The following LEF1 variants were observed in gnomAD, a reference collection of about 807,000 sequenced individuals.
The protein encoded by LEF1 is lymphoid enhancer-binding factor 1.
LEF1 carries 14 observed loss-of-function variants against 51.2 expected under a neutral mutation model. That is an observed-to-expected ratio of 0.27 (90% CI 0.18 to 0.43). LEF1 has a LOEUF of 0.43. LEF1 is among the 20% of genes least tolerant of loss of function. The pLI, the probability that LEF1 is intolerant of heterozygous loss-of-function variation, is 1.00. For missense variants in LEF1, 386 were observed against 512.0 expected (o/e 0.75, Z 2.37); for synonymous variants, 185 against 183.2 (o/e 1.01, Z -0.08).
chr4:108,133,081 C>CA (rs1743005710), intron 3 of LEF1, among the ~76,000 whole-genome samples: 1 of 152,154 alleles, frequency 6.6e-6, no homozygotes, highest in African/African-American at 2.4e-5. Flanking sequence ...TCAAGCGCTT[C>CA]TCCTGCCTCA....
rs188102499 is a variant in LEF1, at chr4:108,144,230, A to C, written c.414+19338T>G. Among the ~76,000 whole-genome samples, 129 of 152,350 alleles carry C rather than the reference A, an allele frequency of 8.5e-4. 1 individual carries two copies. The highest frequency in any genetic ancestry group is 3.0e-3 in the African/African-American group (126 of 41,590). The stretch of plus-strand genomic sequence containing the variant: ...CCTTTGATAAACCATTCCAATGTTT[A>C]TTAATCTCTCCCTCTGAAGTAATTC... On this transcript the variant is annotated intron_variant, in intron 3 of 11. Transcript: ENST00000265165.
At chr4:108,119,117 G>A (rs1742014022) in intron 3 of LEF1, among the ~76,000 whole-genome samples, 1 of 146,990 alleles carries the variant, frequency 6.8e-6, no homozygotes, top group Admixed American at 6.9e-5. Flanking sequence ...CTTTCAAGCA[G>A]GTCAGCTATA....
At chr4:108,049,577 C>CT (rs1349662320) in intron 11 of LEF1, among the ~76,000 whole-genome samples, 4 of 152,326 alleles carry the variant, frequency 2.6e-5, no homozygotes, top group African/African-American at 9.6e-5. Context: ...GCTTCCGCTG[C>CT]TTTGAACTTG....
At chr4:108,139,119 T>C (rs1162037441) in intron 3 of LEF1, among the ~76,000 whole-genome samples, 1 of 152,214 alleles carries the variant, frequency 6.6e-6, no homozygotes, top group Non-Finnish European at 1.5e-5. Context: ...TCAGGGCCTA[T>C]AGAACATACT....
chr4:108,068,292 C>CAA (rs1334675901), intron 9 of LEF1, among the ~76,000 whole-genome samples: 1 of 151,628 alleles, frequency 6.6e-6, no homozygotes, highest in African/African-American at 2.4e-5. Flanking sequence ...CAAAACAAAA[C>CAA]AAAACAAAAA....
intron 3 of LEF1, among the ~76,000 whole-genome samples, chr4:108,092,010 T>C (rs920965998): frequency 1.3e-5 from 2 of 152,222 alleles, no homozygotes; most frequent in Admixed American, 6.5e-5. Flanking sequence ...GGATATATTC[T>C]TTCTTTCCAG....
chr4:108,162,343 T>C (rs1745114955), intron 3 of LEF1, among the ~76,000 whole-genome samples: 1 of 152,220 alleles, frequency 6.6e-6, no homozygotes, highest in Non-Finnish European at 1.5e-5. Context: ...CAATAACATC[T>C]AAATTGCAGT....
intron 3 of LEF1, among the ~76,000 whole-genome samples, chr4:108,109,556 A>G (rs6857102): frequency 0.013 from 1,946 of 152,338 alleles, 39 homozygotes; most frequent in African/African-American, 0.043. Context: ...CAGGACATGC[A>G]TTAATATTTG....
chr4:108,071,520 C>G (rs1198054992), intron 8 of LEF1: 1 of 152,176 alleles, frequency 6.6e-6, no homozygotes, highest in East Asian at 1.9e-4. Context: ...CTGCTAATAT[C>G]CTTCAAACTT....
chr4:108,126,111 A>G (rs1388671087), intron 3 of LEF1, among the ~76,000 whole-genome samples: 1 of 152,140 alleles, frequency 6.6e-6, no homozygotes, highest in Non-Finnish European at 1.5e-5. Flanking sequence ...ACTCTCTTCC[A>G]TTTTCCACTA....
chr4:108,148,486 C>G (rs553753742), intron 3 of LEF1, among the ~76,000 whole-genome samples: 53 of 152,264 alleles, frequency 3.5e-4, no homozygotes, highest in African/African-American at 1.2e-3. Flanking sequence ...GCAGGCTAGG[C>G]TCTGTTCACA....
chr4:108,065,442 C>T (rs1250505101), intron 9 of LEF1, among the ~76,000 whole-genome samples: 1 of 152,216 alleles, frequency 6.6e-6, no homozygotes, highest in East Asian at 1.9e-4. Flanking sequence ...CAGGATTGCT[C>T]CACTGGGCCA....
chr4:108,071,353 C>T (rs75434343), intron 8 of LEF1, among the ~76,000 whole-genome samples: 2,249 of 152,254 alleles, frequency 0.015, 22 homozygotes, highest in African/African-American at 0.026. Context: ...CTCATATAGA[C>T]GCTGTCTATA....
chr4:108,062,435 T>G (rs980648512), intron 11 of LEF1, among the ~76,000 whole-genome samples: 2 of 152,124 alleles, frequency 1.3e-5, no homozygotes, highest in Non-Finnish European at 2.9e-5. Context: ...CTAATAATTT[T>G]GTTTGGACTG....
chr4:108,117,542 G>A (rs911375803), intron 3 of LEF1, among the ~76,000 whole-genome samples: 1 of 152,218 alleles, frequency 6.6e-6, no homozygotes, highest in African/African-American at 2.4e-5. Context: ...CTCAGAAAAT[G>A]GCTCCTAGAA....
chr4:108,049,315 C>A (rs73838300), intron 11 of LEF1, among the ~76,000 whole-genome samples: 1,640 of 151,988 alleles, frequency 0.011, 27 homozygotes, highest in African/African-American at 0.038. Flanking sequence ...ATTTTTTTTT[C>A]CTTCCTAACA....
At chr4:108,136,590 CCTTTCAGGGGT>C (rs781464988) in intron 3 of LEF1, among the ~76,000 whole-genome samples, 1 of 151,672 alleles carries the variant, frequency 6.6e-6, no homozygotes, top group Non-Finnish European at 1.5e-5. Flanking sequence ...CAGAAGTTTG[CCTTTCAGGGGT>C]CTTATAACTG....
At chr4:108,067,361 G>T (rs1182876830) in intron 9 of LEF1, among the ~76,000 whole-genome samples, 1 of 152,132 alleles carries the variant, frequency 6.6e-6, no homozygotes, top group Admixed American at 6.6e-5. Context: ...CTTTTTAAAA[G>T]TTAAAACTCA....
rs1321525102 is a variant in LEF1, at chr4:108,081,582, C to A, written c.722+4G>T. On this transcript the variant is annotated splice_donor_region_variant and intron_variant, in intron 6 of 11. Coordinates refer to ENST00000265165, the MANE Select transcript of LEF1 (RefSeq NM_016269.5). ...CGAGCGCCCCAGTTTCCACCTCCAC[C>A]TACCTGGACATGGAAGTGTCGACTG... The A allele has an allele frequency of 6.2e-7, 1 of 1,612,674 alleles. No homozygotes were observed. The highest frequency in any genetic ancestry group is 8.5e-7 in the Non-Finnish European group (1 of 1,178,866).
Sources: allele counts gnomAD v4.1 joint callset (sites outside exome capture counted in the v4.1 genomes callset), GRCh38; gene constraint gnomAD v4.1.1; transcripts MANE v1.5; gene names NCBI Gene and HGNC (gene_info 2026-07-23, HGNC 2026-07-21).